KLHL13: variants seen among roughly 807,000 people sequenced by gnomAD.
KLHL13 encodes kelch like family member 13.
A neutral mutation model predicts 37.1 loss-of-function variants in KLHL13; 10 were observed. The observed-to-expected ratio is 0.27, with a 90% CI of 0.17 to 0.46. KLHL13 has a LOEUF of 0.46. KLHL13 is among the 20% of genes least tolerant of loss of function. The pLI is 1.00. For missense variants in KLHL13, 360 were observed against 509.3 expected (o/e 0.71, Z 2.82); for synonymous variants, 163 against 181.2 (o/e 0.90, Z 0.81).
At chrX:117,924,088 C>A (rs773381964) in intron 2 of KLHL13, among the ~76,000 whole-genome samples, 40 of 111,983 alleles carry the variant, frequency 3.6e-4, no homozygotes, top group Non-Finnish European at 7.0e-4. Context: ...AAATGAATGA[C>A]CCCACTATCC....
rs779891046 is a variant in KLHL13, at chrX:118,021,900, T to C, written c.-55-76325A>G. Among the ~76,000 whole-genome samples, 3 of 111,763 alleles carry C rather than the reference T, an allele frequency of 2.7e-5. No individual in the cohort carries two copies. The East Asian group carries it at 8.5e-4, about 32-fold the overall frequency. On this transcript the variant is annotated intron_variant, in intron 1 of 6. Transcript: ENST00000371882. ...TTCTCCACATCCTCTCCAGCACCTG[T>C]TGTTTCCTGACTTTAATGATCGCCA... is the stretch of plus-strand genomic sequence containing the variant.
At chrX:118,050,106 A>G (rs1180714678) in intron 1 of KLHL13, among the ~76,000 whole-genome samples, 7 of 110,826 alleles carry the variant, frequency 6.3e-5, no homozygotes, top group African/African-American at 2.0e-4. Context: ...GGCTTGTCTC[A>G]AACTCTTGGC....
At chrX:118,089,135 G>A (rs756093223) in intron 1 of KLHL13, among the ~76,000 whole-genome samples, 1 of 111,303 alleles carries the variant, frequency 9.0e-6, no homozygotes, top group African/African-American at 3.3e-5. Flanking sequence ...CCTCATCCAC[G>A]TCACCAAAGG....
In KLHL13 at chrX:118,000,215, G is replaced by T. The variant is rs752528135; in HGVS notation, c.-55-54640C>A. Among the ~76,000 whole-genome samples the T allele has an allele frequency of 3.6e-5, 4 of 111,527 alleles. No homozygotes were observed. The East Asian group carries it at 1.1e-3, about 31-fold the overall frequency. On this transcript the variant is annotated intron_variant, in intron 1 of 6. Transcript: ENST00000371882. ...TAATCTATTTGGCCAAACAAATGCA[G>T]CCGGGAGGACTTGTCAAGCTAGAAC...
At chrX:118,116,688 C>G (rs925205294) in exon 1 of KLHL13, 3 of 111,687 alleles carry the variant, frequency 2.7e-5, no homozygotes, top group Non-Finnish European at 5.7e-5. Flanking sequence ...GCGGAGAGCA[C>G]GGACCCTAAC....
rs879074467 is a variant in KLHL13 at position 117,921,923 on chromosome X, TATC to T, written c.241-1556_241-1554del. On this transcript the variant is annotated intron_variant, in intron 2 of 6. Coordinates refer to ENST00000262820, the Ensembl canonical transcript of KLHL13. ...ACATACACTTTAAAACAAGATTATA[TATC>T]ATATTTTTCTTTTTCCAACAATGAT... is the stretch of plus-strand genomic sequence containing the variant. 3.8e-4 allele frequency among the ~76,000 whole-genome samples: 43 copies of T among 112,425 alleles called. No individual in the cohort carries two copies. In the South Asian group the frequency reaches 0.015, roughly 40 times the overall value.
intron 1 of KLHL13, among the ~76,000 whole-genome samples, chrX:118,075,679 G>C (rs746894716): frequency 9.0e-6 from 1 of 111,190 alleles, no homozygotes; most frequent in East Asian, 2.8e-4. Flanking sequence ...AAGGGGGAGA[G>C]GAAAAAGAAA....
At chrX:118,072,706 T>C (rs993249329) in intron 1 of KLHL13, among the ~76,000 whole-genome samples, 7 of 112,059 alleles carry the variant, frequency 6.2e-5, no homozygotes, top group Non-Finnish European at 1.3e-4. Context: ...TATTGTTCAG[T>C]TTTGCTTTAT....
At position 118,035,539 on chromosome X, in the gene KLHL13, A is replaced by G. The variant is rs1423386028; in HGVS notation, c.-56+80969T>C. 7.3e-5 allele frequency among the ~76,000 whole-genome samples: 8 copies of G among 109,076 alleles called. No homozygotes were observed. The East Asian group carries it at 2.0e-3, about 27-fold the overall frequency. The allele number at this position is 109,076 out of a possible 115,157, so 94.7% of individuals were successfully genotyped here. ...CAGAAAAGGCCTTTGACAAAATTCAACAACCCTTCATGCTAAAAACTCTCA... is the reference window on the plus strand; with the variant it reads ...CAGAAAAGGCCTTTGACAAAATTCAGCAACCCTTCATGCTAAAAACTCTCA... On this transcript the variant is annotated intron_variant, in intron 1 of 6. Transcript: ENST00000371882.
At chrX:118,040,589 G>C (rs2054496768) in intron 1 of KLHL13, among the ~76,000 whole-genome samples, 1 of 111,769 alleles carries the variant, frequency 8.9e-6, no homozygotes, top group Admixed American at 9.5e-5. Flanking sequence ...GCAAATCTAG[G>C]AGTTATTGGC....
intron 1 of KLHL13, among the ~76,000 whole-genome samples, chrX:118,019,310 A>C (rs2054168963): frequency 2.7e-5 from 3 of 111,201 alleles, no homozygotes; most frequent in Admixed American, 9.6e-5. Context: ...GTGTCTGTTC[A>C]TATCCTTCGC....
intron 1 of KLHL13, among the ~76,000 whole-genome samples, chrX:118,023,046 G>A (rs1024448987): frequency 9.0e-6 from 1 of 111,525 alleles, no homozygotes; most frequent in Admixed American, 9.6e-5. Flanking sequence ...TCCATTTTGC[G>A]TTTATTTCTG....
chrX:118,102,380 T>C (rs1297526011), intron 1 of KLHL13, among the ~76,000 whole-genome samples: 2 of 111,724 alleles, frequency 1.8e-5, no homozygotes, highest in African/African-American at 3.3e-5. Flanking sequence ...ACCATAGGAT[T>C]AAGTTCTGGC....
At position 117,985,488 on chromosome X, in the gene KLHL13, T is replaced by C. The variant is rs1022426179; in HGVS notation, c.-55-39913A>G. On this transcript the variant is annotated intron_variant, in intron 1 of 6. Coordinates refer to the KLHL13 transcript ENST00000371882. ...AACCTATGTACTGCATACCTTCCCT[T>C]GATAGGAAATTGTAGTCAGTGTAGT... 1.0e-5 allele frequency: 4 copies of C among 390,521 alleles called. No homozygotes were observed. In the Admixed American group the frequency reaches 3.7e-4, roughly 36 times the overall value. 32.2% of individuals were successfully genotyped at this position (390,521 alleles called of 1,213,427 possible).
chrX:118,072,011 T>A (rs1370237592), intron 1 of KLHL13, among the ~76,000 whole-genome samples: 1 of 110,408 alleles, frequency 9.1e-6, no homozygotes, highest in African/African-American at 3.3e-5. Context: ...AAAAAGAGCC[T>A]GCATCACCAA....
At chrX:117,973,641 G>T in exon 1 of KLHL13, 4 of 872,274 alleles carry the variant, frequency 4.6e-6, no homozygotes, top group Non-Finnish European at 5.6e-6. Flanking sequence ...TTTCCAAGCT[G>T]AGATGAGCAA....
At chrX:117,966,138 T>C (rs1252497725) in intron 1 of KLHL13, among the ~76,000 whole-genome samples, 1 of 111,799 alleles carries the variant, frequency 8.9e-6, no homozygotes, top group African/African-American at 3.3e-5. Flanking sequence ...GACAACATGA[T>C]TGTATATCTA....
Position 118,033,135 on chromosome X carries a change from G to C in KLHL13, c.-56+83373C>G, listed in dbSNP as rs186336840. ...TCTGACTGGTGTACCTGAAAGTGAGGGGGGGGAATGGAACCAAGTTGGAAA... is the reference window on the plus strand; with the variant it reads ...TCTGACTGGTGTACCTGAAAGTGAGCGGGGGGAATGGAACCAAGTTGGAAA... On this transcript the variant is annotated intron_variant, in intron 1 of 6. Coordinates refer to the KLHL13 transcript ENST00000371882. Among the ~76,000 whole-genome samples the C allele has an allele frequency of 2.0e-4, 22 of 111,194 alleles. No individual in the cohort carries two copies. The South Asian group carries it at 6.2e-3, about 31-fold the overall frequency.
chrX:118,031,538 TATTA>T (rs1296770947), intron 1 of KLHL13, among the ~76,000 whole-genome samples: 28 of 86,081 alleles, frequency 3.3e-4, no homozygotes, highest in African/African-American at 1.5e-3. Flanking sequence ...GTTATATATA[TATTA>T]GTTATATATA....
Sources: allele counts gnomAD v4.1 joint callset (sites outside exome capture counted in the v4.1 genomes callset), GRCh38; gene constraint gnomAD v4.1.1; transcripts MANE v1.5; gene names NCBI Gene and HGNC (gene_info 2026-07-23, HGNC 2026-07-21).